TMEM125: variants seen among roughly 807,000 people sequenced by gnomAD.
TMEM125 encodes the protein transmembrane protein 125.
Under a neutral mutation model 8.7 loss-of-function variants are expected in TMEM125, and 11 were observed. That is an observed-to-expected ratio of 1.26 (90% CI 0.79 to 2.08). TMEM125 has a LOEUF of 2.08. Among genes scored for constraint, TMEM125 ranks in the 30% most tolerant of loss-of-function variants. The pLI is 0.00. For missense variants in TMEM125, 270 were observed against 302.4 expected, an observed-to-expected ratio of 0.89 and a Z score of 0.79; for synonymous variants, 144 against 146.1, an observed-to-expected ratio of 0.99 and a Z score of 0.10.
At position 43,273,815 on chromosome 1, in the gene TMEM125, A is replaced by C; in HGVS notation, c.*433A>C. 5.1e-6 allele frequency: 1 copy of C among 196,538 alleles called. No homozygotes were observed. Among genetic ancestry groups the C allele is most frequent in the African/African-American group, 2.3e-5 (1 of 42,608 alleles). The allele number at this position is 196,538 out of a possible 1,614,324, so 12.2% of individuals were successfully genotyped here. On this transcript the variant is annotated 3_prime_UTR_variant, in exon 4 of 4. Transcript: ENST00000439858. ...TAACTGCTGGCCAGGCAGAAAGAAT[A>C]TGGGCTCTGCAATGAGACAGACCTG...
In TMEM125 at chr1:43,272,368, G is replaced by A. The variant is rs1646496799; in HGVS notation, c.-146+29G>A. 1 of 185,666 alleles carries A rather than the reference G, an allele frequency of 5.4e-6. No individual in the cohort carries two copies. The highest frequency in any genetic ancestry group is 1.1e-5 in the Non-Finnish European group (1 of 90,512). 11.5% of individuals were successfully genotyped at this position (185,666 alleles called of 1,614,324 possible). ...AGGGCCTGGGTGAGGGGATTCCCTGGAGGGTTTTAGGGGGTACCCTATGGG... is the reference window on the plus strand; with the variant it reads ...AGGGCCTGGGTGAGGGGATTCCCTGAAGGGTTTTAGGGGGTACCCTATGGG... On this transcript the variant is annotated intron_variant, in intron 3 of 3. Transcript: ENST00000439858. The surrounding 1 kb of genome is among the most constrained non-coding windows in gnomAD (Gnocchi z 5.0).
rs1375367488 is a variant in TMEM125 at position 43,271,325 on chromosome 1, G to C, written c.-302+532G>C. On this transcript the variant is annotated intron_variant, in intron 2 of 3. Coordinates refer to ENST00000439858, the MANE Select transcript of TMEM125 (RefSeq NM_144626.3). This position sits in a 1 kb window ranked among gnomAD's most constrained non-coding sequence, Gnocchi z 4.9. ...TCAGACAAGGAGACTGAGGCTCTAAGAGACGAACCATTCAGGCTTCCTGGC... is the reference window on the plus strand; with the variant it reads ...TCAGACAAGGAGACTGAGGCTCTAACAGACGAACCATTCAGGCTTCCTGGC... 6.6e-6 allele frequency among the ~76,000 whole-genome samples: 1 copy of C among 152,080 alleles called. No homozygotes were observed. The highest frequency in any genetic ancestry group is 1.5e-5 in the Non-Finnish European group (1 of 68,022).
rs1298309899 is a variant in TMEM125, at chr1:43,271,700, A to G, written c.-301-484A>G. Among the ~76,000 whole-genome samples, 8 of 152,180 alleles carry G rather than the reference A, an allele frequency of 5.3e-5. No homozygotes were observed. Among genetic ancestry groups the G allele is most frequent in the Non-Finnish European group, 1.0e-4 (7 of 68,034 alleles). The stretch of plus-strand genomic sequence containing the variant: ...GGGAATGGCGAGTGTGGAGAAGAGC[A>G]AGGGGAGCAGAAAGACCAGTGAGGA... On this transcript the variant is annotated intron_variant, in intron 2 of 3. Transcript: ENST00000439858. This position sits in a 1 kb window ranked among gnomAD's most constrained non-coding sequence, Gnocchi z 4.9.
intron 1 of TMEM125, 91 bp downstream of exon 1, chr1:43,270,176 A>G (rs140219784): frequency 0.011 from 1,684 of 152,642 alleles, 29 homozygotes; most frequent in African/African-American, 0.038. Flanking sequence ...GGCTGGATTC[A>G]GGAACAGGAG....
At position 43,272,969 on chromosome 1, in the gene TMEM125, G is replaced by A. The variant is rs758979244; in HGVS notation, c.247G>A (p.Val83Met). 6.2e-7 allele frequency: 1 copy of A among 1,610,954 alleles called. No individual in the cohort carries two copies. Among genetic ancestry groups the A allele is most frequent in the Non-Finnish European group, 8.5e-7 (1 of 1,177,622 alleles). Residue 83 changes from valine (V) to methionine (M), a missense_variant, in exon 4 of 4, where the codon GTG (valine) becomes ATG (methionine). Val to Met is a conservative substitution (Grantham distance 21). Coordinates refer to ENST00000439858, the MANE Select transcript of TMEM125 (RefSeq NM_144626.3). The surrounding 1 kb of genome is among the most constrained non-coding windows in gnomAD (Gnocchi z 5.0). The part of the protein sequence containing the change: ...VLCLLALLVL[V>M]KQLMSSAVQD... The stretch of plus-strand genomic sequence containing the variant: ...CTGTTTGCTGGCTCTGCTGGTTCTG[G>A]TGAAACAGCTGATGAGCTCGGCTGT...
rs1334051 is a variant in TMEM125 at position 43,273,396 on chromosome 1, G to A, written c.*14G>A. ...AGCCTCATCTGACGGAGCCAGAGCC[G>A]TCCTTCTTCTCACAGCGGCCTCAGC... On this transcript the variant is annotated 3_prime_UTR_variant, in exon 4 of 4. Transcript: ENST00000439858. The A allele has an allele frequency of 1.8e-3, 2,869 of 1,597,782 alleles. 48 individuals are homozygous for A. The African/African-American group carries it at 0.035, about 19-fold the overall frequency.
chr1:43,272,793 A>C lies in TMEM125; in HGVS notation c.71A>C (p.Glu24Ala). The C allele has an allele frequency of 6.4e-7, 1 of 1,552,790 alleles. No individual in the cohort carries two copies. The highest frequency in any genetic ancestry group is 8.7e-7 in the Non-Finnish European group (1 of 1,146,708). The change falls in exon 4 of 4, where the codon GAG (glutamate) becomes GCG (alanine). Residue 24 changes from glutamate to alanine, a missense_variant. By Grantham distance (107) the Glu-to-Ala change is moderately radical. Coordinates refer to ENST00000439858, the MANE Select transcript of TMEM125 (RefSeq NM_144626.3). The surrounding 1 kb of genome is among the most constrained non-coding windows in gnomAD (Gnocchi z 5.0). ...LPPDMLAEQV[E>A]LWWSQQPRRS... Reference sequence around the variant, plus strand: ...CCGGACATGCTGGCAGAGCAGGTGGAGCTGTGGTGGTCCCAGCAGCCGCGG... The same window carrying C: ...CCGGACATGCTGGCAGAGCAGGTGGCGCTGTGGTGGTCCCAGCAGCCGCGG...
chr1:43,272,705 C>G lies in TMEM125; in HGVS notation c.-18C>G, dbSNP rs752552397. 3 of 1,488,308 alleles carry G rather than the reference C, an allele frequency of 2.0e-6. No homozygotes were observed. Among genetic ancestry groups the G allele is most frequent in the Non-Finnish European group, 1.8e-6 (2 of 1,122,572 alleles). 92.2% of individuals were successfully genotyped at this position (1,488,308 alleles called of 1,614,324 possible). A position where few individuals can be genotyped will look rare whatever the true frequency, so the allele number is the denominator to read the frequency against. On this transcript the variant is annotated 5_prime_UTR_variant, in exon 4 of 4. Transcript: ENST00000439858. The surrounding 1 kb of genome is among the most constrained non-coding windows in gnomAD (Gnocchi z 5.0). ...CCCTGACATTGACCTCCTACCCTGACCCCTGCCTGACCAAGCCATGTCTGA... is the reference window on the plus strand; with the variant it reads ...CCCTGACATTGACCTCCTACCCTGAGCCCTGCCTGACCAAGCCATGTCTGA...
Position 43,273,456 on chromosome 1 carries a change from G to T in TMEM125, c.*74G>T. ...GCCGAGCCAGGGTGTGAGTGCATGTGAACGTTGAGTACACATGAGTGCGTG... is the reference window on the plus strand; with the variant it reads ...GCCGAGCCAGGGTGTGAGTGCATGTTAACGTTGAGTACACATGAGTGCGTG... On this transcript the variant is annotated 3_prime_UTR_variant, in exon 4 of 4. Coordinates refer to ENST00000439858, the MANE Select transcript of TMEM125 (RefSeq NM_144626.3). 3 of 1,529,334 alleles carry T rather than the reference G, an allele frequency of 2.0e-6. No individual in the cohort carries two copies. Among genetic ancestry groups the T allele is most frequent in the Non-Finnish European group, 2.7e-6 (3 of 1,130,876 alleles). The allele number at this position is 1,529,334 out of a possible 1,614,324, so 94.7% of individuals were successfully genotyped here. A position where few individuals can be genotyped will look rare whatever the true frequency, so the allele number is the denominator to read the frequency against.
chr1:43,270,334 G>C (rs1028717923), intron 1 of TMEM125, among the ~76,000 whole-genome samples: 5 of 152,030 alleles, frequency 3.3e-5, no homozygotes, highest in African/African-American at 1.2e-4. Context: ...ATGGGGCTGG[G>C]GGTTGGGGCT....
In TMEM125 at chr1:43,272,817, G is replaced by A. The variant is rs200069787; in HGVS notation, c.95G>A (p.Arg32Gln). 193 of 1,565,258 alleles carry A rather than the reference G, an allele frequency of 1.2e-4. 1 individual carries two copies. In the African/African-American group the frequency reaches 1.3e-3, roughly 10 times the overall value. ...GAGCTGTGGTGGTCCCAGCAGCCGC[G>A]GCGCTCGGCGCTCTGCTTCGTCGTG... is the stretch of plus-strand genomic sequence containing the variant. ...QVELWWSQQP[R>Q]RSALCFVVAV... is the part of the protein sequence containing the mutation. The change falls in exon 4 of 4, where the codon CGG becomes CAG. Residue 32 changes from arginine to glutamine, a missense_variant. By Grantham distance (43) the Arg-to-Gln change is conservative. Around this residue, in one of 3 missense-constraint regions of TMEM125, gnomAD observed 215 missense variants for 216.5 expected, o/e 0.99. Transcript: ENST00000439858. The surrounding 1 kb of genome is among the most constrained non-coding windows in gnomAD (Gnocchi z 5.0).
rs1422164718 is a variant in TMEM125, at chr1:43,271,660, A to G, written c.-301-524A>G. On this transcript the variant is annotated intron_variant, in intron 2 of 3. Coordinates refer to ENST00000439858, the MANE Select transcript of TMEM125 (RefSeq NM_144626.3). The surrounding 1 kb of genome is among the most constrained non-coding windows in gnomAD (Gnocchi z 4.9). ...TTGCTCCACTTTAGAGAAATCGTGG[A>G]GGAGGATGGCATGGGGGAATGGCGA... Among the ~76,000 whole-genome samples the G allele has an allele frequency of 6.6e-6, 1 of 152,190 alleles. No individual in the cohort carries two copies. The highest frequency in any genetic ancestry group is 6.5e-5 in the Admixed American group (1 of 15,268).
Position 43,272,785 on chromosome 1 carries a change from G to A in TMEM125, c.63G>A (p.Glu21=). 1 of 1,539,528 alleles carries A rather than the reference G, an allele frequency of 6.5e-7. No homozygotes were observed. Among genetic ancestry groups the A allele is most frequent in the South Asian group, 1.2e-5 (1 of 80,410 alleles). Residue 21 remains glutamate, a synonymous_variant, in exon 4 of 4, where the codon GAG becomes GAA. Transcript: ENST00000439858. This position sits in a 1 kb window ranked among gnomAD's most constrained non-coding sequence, Gnocchi z 5.0. Reference sequence around the variant, plus strand: ...GGCTGCCCCCGGACATGCTGGCAGAGCAGGTGGAGCTGTGGTGGTCCCAGC... The same window carrying A: ...GGCTGCCCCCGGACATGCTGGCAGAACAGGTGGAGCTGTGGTGGTCCCAGC... ...GRGLPPDMLA[E]QVELWWSQQP...
chr1:43,273,058 C>A lies in TMEM125; in HGVS notation c.336C>A (p.Ala112=). ...CCCTGCTGCGCAGTGGTGGAGGGGCCGACGCCCTCGTGGTGCTGCTCAGTG... is the reference window on the plus strand; with the variant it reads ...CCCTGCTGCGCAGTGGTGGAGGGGCAGACGCCCTCGTGGTGCTGCTCAGTG... The part of the protein sequence containing the change: ...HVALLRSGGG[A]DALVVLLSGL... The change falls in exon 4 of 4, where the codon GCC becomes GCA. Residue 112 remains alanine, a synonymous_variant. Coordinates refer to ENST00000439858, the MANE Select transcript of TMEM125 (RefSeq NM_144626.3). 1 of 1,610,422 alleles carries A rather than the reference C, an allele frequency of 6.2e-7. No individual in the cohort carries two copies. Among genetic ancestry groups the A allele is most frequent in the Non-Finnish European group, 8.5e-7 (1 of 1,177,970 alleles).
chr1:43,272,601 T>C lies in TMEM125; in HGVS notation c.-122T>C. The C allele has an allele frequency of 1.2e-6, 1 of 844,872 alleles. No individual in the cohort carries two copies. Among genetic ancestry groups the C allele is most frequent in the Non-Finnish European group, 1.7e-6 (1 of 588,288 alleles). 52.3% of individuals were successfully genotyped at this position (844,872 alleles called of 1,614,324 possible). A position where few individuals can be genotyped will look rare whatever the true frequency, so the allele number is the denominator to read the frequency against. The stretch of plus-strand genomic sequence containing the variant: ...AGGTGAGGGTGACCATATCCTGGAC[T>C]GTGAGAGGAATGGGACTCTGGGCCT... On this transcript the variant is annotated 5_prime_UTR_variant, in exon 4 of 4. Transcript: ENST00000439858. The surrounding 1 kb of genome is among the most constrained non-coding windows in gnomAD (Gnocchi z 5.0).
In TMEM125 at chr1:43,273,140, C is replaced by T. The variant is rs778606084; in HGVS notation, c.418C>T (p.Pro140Ser). 7 of 1,612,556 alleles carry T rather than the reference C, an allele frequency of 4.3e-6. No individual in the cohort carries two copies. Among genetic ancestry groups the T allele is most frequent in the Admixed American group, 1.7e-5 (1 of 59,862 alleles). Residue 140 changes from proline to serine, a missense_variant, in exon 4 of 4, where the codon CCT becomes TCT. Around this residue, in one of 3 missense-constraint regions of TMEM125, gnomAD observed 215 missense variants for 216.5 expected, o/e 0.99. Coordinates refer to ENST00000439858, the MANE Select transcript of TMEM125 (RefSeq NM_144626.3). ...GGCCGGGCTGGCCGCCGCCCCTGCC[C>T]CTGCTCGGCCGCTGGCCGCCATGCT... The part of the protein sequence containing the change: ...TLAGLAAAPA[P>S]ARPLAAMLSV...
In TMEM125 at chr1:43,273,692, C is replaced by G; in HGVS notation, c.*310C>G. On this transcript the variant is annotated 3_prime_UTR_variant, in exon 4 of 4. Coordinates refer to ENST00000439858, the MANE Select transcript of TMEM125 (RefSeq NM_144626.3). ...TTCTTGAGCCCCATTTCCAAGACCCCTCACATCCAATCCTGTCCTGTAACA... is the reference window on the plus strand; with the variant it reads ...TTCTTGAGCCCCATTTCCAAGACCCGTCACATCCAATCCTGTCCTGTAACA... 4.5e-6 allele frequency: 2 copies of G among 440,010 alleles called. No homozygotes were observed. Among genetic ancestry groups the G allele is most frequent in the East Asian group, 4.4e-5 (1 of 22,862 alleles). 27.3% of individuals were successfully genotyped at this position (440,010 alleles called of 1,614,324 possible).
In TMEM125 at chr1:43,271,401, C is replaced by A. The variant is rs562563359; in HGVS notation, c.-302+608C>A. On this transcript the variant is annotated intron_variant, in intron 2 of 3. Transcript: ENST00000439858. The surrounding 1 kb of genome is among the most constrained non-coding windows in gnomAD (Gnocchi z 4.9). ...CTCTGCAGGGCTCTGGGCTGACTAACCCACACCCACACTTAGCACAGGCAC... is the reference window on the plus strand; with the variant it reads ...CTCTGCAGGGCTCTGGGCTGACTAAACCACACCCACACTTAGCACAGGCAC... Among the ~76,000 whole-genome samples, 2 of 152,204 alleles carry A rather than the reference C, an allele frequency of 1.3e-5. No homozygotes were observed. The highest frequency in any genetic ancestry group is 2.9e-5 in the Non-Finnish European group (2 of 68,040).
Position 43,271,598 on chromosome 1 carries a change from G to A in TMEM125, c.-301-586G>A, listed in dbSNP as rs986763583. 6.6e-6 allele frequency among the ~76,000 whole-genome samples: 1 copy of A among 152,224 alleles called. No homozygotes were observed. Among genetic ancestry groups the A allele is most frequent in the Non-Finnish European group, 1.5e-5 (1 of 68,042 alleles). ...CATGTTCCTACCGGTGGGAAGGACT[G>A]GAGCTGGGGTTCAAATCCAGAGCCC... On this transcript the variant is annotated intron_variant, in intron 2 of 3. Transcript: ENST00000439858. The surrounding 1 kb of genome is among the most constrained non-coding windows in gnomAD (Gnocchi z 4.9).
Sources: gnomAD v4.1 joint callset for allele counts (sites outside exome capture counted in the v4.1 genomes callset) on GRCh38, gnomAD v4.1.1 for gene constraint, gnomAD v4.1.1 regional missense constraint, Gnocchi (gnomAD v3.1) non-coding constraint, MANE v1.5 for transcripts, NCBI Gene and HGNC (gene_info 2026-07-23, HGNC 2026-07-21) for gene names.